NXPH1: variants seen among roughly 807,000 people sequenced by gnomAD.
The protein encoded by NXPH1 is neurexophilin 1.
Under a neutral mutation model 23.7 loss-of-function variants are expected in NXPH1, and 5 were observed. That is an observed-to-expected ratio of 0.21 (90% CI 0.11 to 0.44). NXPH1 has a LOEUF of 0.44. NXPH1 is among the 20% of genes least tolerant of loss of function. The pLI is 0.99. For missense variants in NXPH1, 324 were observed against 321.6 expected, an observed-to-expected ratio of 1.01 and a Z score of -0.06; for synonymous variants, 144 against 122.2, an observed-to-expected ratio of 1.18 and a Z score of -1.18.
chr7:8,671,056 C>T (rs1820861380), intron 2 of NXPH1, among the ~76,000 whole-genome samples: 1 of 152,188 alleles, frequency 6.6e-6, no homozygotes, highest in Non-Finnish European at 1.5e-5. Context: ...AAGACAGGCA[C>T]TCCACAGATA....
intron 2 of NXPH1, among the ~76,000 whole-genome samples, chr7:8,732,654 A>T (rs1780178292): frequency 6.6e-6 from 1 of 152,150 alleles, no homozygotes. Flanking sequence ...TGTTTTATTC[A>T]TTATTATAAC....
At chr7:8,635,411 T>C (rs1820203431) in intron 2 of NXPH1, among the ~76,000 whole-genome samples, 1 of 152,188 alleles carries the variant, frequency 6.6e-6, no homozygotes, top group African/African-American at 2.4e-5. Flanking sequence ...CTCTTTTTAG[T>C]GGTATAAATG....
chr7:8,674,194 C>T (rs1562450749), intron 2 of NXPH1, among the ~76,000 whole-genome samples: 2 of 147,006 alleles, frequency 1.4e-5, no homozygotes, highest in Non-Finnish European at 1.5e-5. Flanking sequence ...CACACACACA[C>T]ACACACACAC....
At chr7:8,499,218 T>C (rs1436347716) in intron 2 of NXPH1, among the ~76,000 whole-genome samples, 1 of 152,032 alleles carries the variant, frequency 6.6e-6, no homozygotes, top group Non-Finnish European at 1.5e-5. Context: ...GTCTCTTCTA[T>C]CACCACTACA....
chr7:8,600,274 C>A (rs1406934182), intron 2 of NXPH1, among the ~76,000 whole-genome samples: 2 of 152,116 alleles, frequency 1.3e-5, no homozygotes, highest in African/African-American at 2.4e-5. Flanking sequence ...TTGAGAGGAA[C>A]CATGTAAAAA....
Position 8,454,173 on chromosome 7 carries a change from TA to T in NXPH1, c.54+18410del, listed in dbSNP as rs576860641. ...AATACCTGGGTGATGAAATAATCTA[TA>T]AAACAACTCCCCATGACACCTATGT... On this transcript the variant is annotated intron_variant, in intron 2 of 2. Coordinates refer to ENST00000405863, the MANE Select transcript of NXPH1 (RefSeq NM_152745.3). Among the ~76,000 whole-genome samples the T allele has an allele frequency of 5.9e-5, 9 of 152,154 alleles. No individual in the cohort carries two copies. In the South Asian group the frequency reaches 1.9e-3, roughly 32 times the overall value.
intron 2 of NXPH1, among the ~76,000 whole-genome samples, chr7:8,706,928 G>A (rs1779715392): frequency 6.6e-6 from 1 of 152,102 alleles, no homozygotes; most frequent in African/African-American, 2.4e-5. Context: ...GGTGAGTGAT[G>A]AGAAATTAAT....
chr7:8,441,487 A>C (rs1482979036), intron 2 of NXPH1, among the ~76,000 whole-genome samples: 2 of 152,154 alleles, frequency 1.3e-5, no homozygotes, highest in Admixed American at 1.3e-4. Flanking sequence ...AAAGCTTGGC[A>C]AGCACTTAAT....
At chr7:8,496,693 G>C (rs1817343576) in intron 2 of NXPH1, among the ~76,000 whole-genome samples, 1 of 152,042 alleles carries the variant, frequency 6.6e-6, no homozygotes, top group Non-Finnish European at 1.5e-5. Context: ...CTCAGCAATT[G>C]CAAGCCCTTC....
intron 2 of NXPH1, among the ~76,000 whole-genome samples, chr7:8,546,048 T>TA (rs1818192767): frequency 6.6e-6 from 1 of 151,580 alleles, no homozygotes; most frequent in Non-Finnish European, 1.5e-5. Context: ...GCCAGCTAAT[T>TA]AAAATATCAA....
chr7:8,688,677 A>G (rs1375471736), intron 2 of NXPH1, among the ~76,000 whole-genome samples: 2 of 152,174 alleles, frequency 1.3e-5, no homozygotes, highest in Admixed American at 6.5e-5. Context: ...AGGCTTTGGC[A>G]CTCATCAGAC....
chr7:8,545,740 G>A (rs927437923), intron 2 of NXPH1, among the ~76,000 whole-genome samples: 10 of 151,466 alleles, frequency 6.6e-5, no homozygotes, highest in Non-Finnish European at 1.5e-4. Context: ...TTAGACTCCA[G>A]TGAGCTTATT....
intron 2 of NXPH1, among the ~76,000 whole-genome samples, chr7:8,582,991 C>T (rs1258021187): frequency 6.6e-6 from 1 of 152,234 alleles, no homozygotes; most frequent in Non-Finnish European, 1.5e-5. Flanking sequence ...CCTGTTGGCA[C>T]CCAAAGTCTG....
At chr7:8,602,361 C>T (rs996271131) in intron 2 of NXPH1, among the ~76,000 whole-genome samples, 4 of 152,004 alleles carry the variant, frequency 2.6e-5, no homozygotes, top group Non-Finnish European at 5.9e-5. Context: ...ACTCAGTCTC[C>T]CTGGCCTGTT....
chr7:8,679,313 T>C (rs1821015155), intron 2 of NXPH1, among the ~76,000 whole-genome samples: 1 of 152,126 alleles, frequency 6.6e-6, no homozygotes. Context: ...CACGTTCAAG[T>C]GTAATTCAGT....
Position 8,539,488 on chromosome 7 carries a change from G to C in NXPH1, c.54+103721G>C, listed in dbSNP as rs529481310. Among the ~76,000 whole-genome samples the C allele has an allele frequency of 5.3e-5, 8 of 151,838 alleles. No individual in the cohort carries two copies. In the East Asian group the frequency reaches 1.6e-3, roughly 30 times the overall value. On this transcript the variant is annotated intron_variant, in intron 2 of 2. Coordinates refer to ENST00000405863, the MANE Select transcript of NXPH1 (RefSeq NM_152745.3). ...TACTATCTTTTCTTTTCGTAAATAA[G>C]TTATATATGAGTTATCAGTAAAATT...
intron 2 of NXPH1, among the ~76,000 whole-genome samples, chr7:8,534,681 A>G (rs1291310184): frequency 1.3e-5 from 2 of 152,144 alleles, no homozygotes; most frequent in South Asian, 4.1e-4. Context: ...TACATTTATA[A>G]ATTATCGTAC....
Position 8,659,088 on chromosome 7 carries a change from T to G in NXPH1, c.55-91920T>G, listed in dbSNP as rs147039487. 0.072 allele frequency among the ~76,000 whole-genome samples: 5,803 copies of G among 80,908 alleles called. 2,504 individuals carry two copies. In the East Asian group the frequency reaches 0.99, roughly 14 times the overall value. 53.1% of individuals were successfully genotyped at this position (80,908 alleles called of 152,430 possible). On this transcript the variant is annotated intron_variant, in intron 2 of 2. Transcript: ENST00000405863. ...GTTTGTTTCATGTATCAGGGCCAAG[T>G]GACAATTGGCTCTGTGTGGTTATAG...
At chr7:8,698,120 G>A (rs1229781295) in intron 2 of NXPH1, among the ~76,000 whole-genome samples, 5 of 152,114 alleles carry the variant, frequency 3.3e-5, no homozygotes, top group Non-Finnish European at 4.4e-5. Context: ...AAGCTTACTA[G>A]GAGGCTTTCG....
Sources: gnomAD v4.1 joint callset for allele counts (sites outside exome capture counted in the v4.1 genomes callset) on GRCh38, gnomAD v4.1.1 for gene constraint, MANE v1.5 for transcripts, NCBI Gene and HGNC (gene_info 2026-07-23, HGNC 2026-07-21) for gene names.